Variants in FRMPD4 observed in about 807,000 individuals in gnomAD.
FRMPD4 encodes FERM and PDZ domain containing 4.
In FRMPD4, 22 loss-of-function variants were observed where a neutral mutation model predicts 94.1. That is an observed-to-expected ratio of 0.23 (90% CI 0.17 to 0.33). FRMPD4 has a LOEUF of 0.33. FRMPD4 is among the 10% of genes least tolerant of loss of function. The probability of loss-of-function intolerance (pLI) is 1.00; values close to 1 mark genes in which losing one functional copy is unlikely to be tolerated. For synonymous variants in FRMPD4, 631 were observed against 548.6 expected (o/e 1.15, Z -2.10); for missense variants, 1,111 against 1,339.9 (o/e 0.83, Z 2.67).
chrX:11,833,632 A>C (rs932549139), intron 1 of FRMPD4, among the ~76,000 whole-genome samples: 9 of 111,830 alleles, frequency 8.0e-5, no homozygotes, highest in Non-Finnish European at 1.7e-4. Flanking sequence ...GAGTAAGCTG[A>C]AATAAAGAAT....
At chrX:12,072,151 TG>T (rs771559119) in intron 3 of FRMPD4, among the ~76,000 whole-genome samples, 2 of 111,277 alleles carry the variant, frequency 1.8e-5, no homozygotes, top group East Asian at 5.7e-4. Flanking sequence ...CCACCACACC[TG>T]GCCCTTCATT....
At chrX:12,372,589 G>A (rs1294599632) in intron 1 of FRMPD4, among the ~76,000 whole-genome samples, 1 of 112,295 alleles carries the variant, frequency 8.9e-6, no homozygotes, top group African/African-American at 3.2e-5. Flanking sequence ...GTATTTCCTC[G>A]TCTTCCAAAA....
chrX:12,109,794 C>G (rs1379526465), intron 3 of FRMPD4, among the ~76,000 whole-genome samples: 1 of 112,187 alleles, frequency 8.9e-6, no homozygotes, highest in Non-Finnish European at 1.9e-5. Flanking sequence ...ATAAACACCT[C>G]TATGCAAATA....
intron 2 of FRMPD4, among the ~76,000 whole-genome samples, chrX:12,593,847 T>C (rs1475459143): frequency 5.4e-5 from 6 of 111,825 alleles, no homozygotes; most frequent in Non-Finnish European, 7.5e-5. Context: ...CTGAGACACA[T>C]AATATATGCA....
At chrX:12,074,896 T>C (rs1317601300) in intron 3 of FRMPD4, among the ~76,000 whole-genome samples, 1 of 112,355 alleles carries the variant, frequency 8.9e-6, no homozygotes, top group Non-Finnish European at 1.9e-5. Flanking sequence ...AAAAGACAAG[T>C]ACAGTATTTG....
At chrX:12,341,566 C>A in intron 1 of FRMPD4, 1 of 320,715 alleles carries the variant, frequency 3.1e-6, no homozygotes, top group Non-Finnish European at 6.1e-6. Context: ...ATGAGACAGG[C>A]ATTAGTGTCC....
At chrX:12,585,500 TG>T (rs2058919124) in intron 2 of FRMPD4, among the ~76,000 whole-genome samples, 1 of 112,357 alleles carries the variant, frequency 8.9e-6, no homozygotes, top group Non-Finnish European at 1.9e-5. Context: ...ATTACAGGTA[TG>T]AGCCACTGTG....
intron 1 of FRMPD4, among the ~76,000 whole-genome samples, chrX:12,386,868 T>C (rs1461150371): frequency 9.0e-6 from 1 of 111,537 alleles, no homozygotes. Flanking sequence ...GGGTGGGGGC[T>C]AGGCAGAGAG....
intron 13 of FRMPD4, among the ~76,000 whole-genome samples, chrX:12,708,237 C>T (rs1165953847): frequency 1.8e-5 from 2 of 110,384 alleles, no homozygotes; most frequent in Admixed American, 9.6e-5. Flanking sequence ...TTTGGGAGGC[C>T]GAGGCGGGCG....
chrX:12,274,517 G>C (rs1456127156), intron 1 of FRMPD4, among the ~76,000 whole-genome samples: 2 of 112,600 alleles, frequency 1.8e-5, no homozygotes, highest in African/African-American at 6.5e-5. Context: ...TCGGTAAGCA[G>C]CTAAATAATC....
intron 3 of FRMPD4, among the ~76,000 whole-genome samples, chrX:12,084,174 C>T (rs370294319): frequency 6.0e-3 from 242 of 40,156 alleles, no homozygotes; most frequent in Middle Eastern, 0.026. Flanking sequence ...GGGAGGGACC[C>T]AGTGGGGGGG....
At chrX:11,844,891 A>G (rs925745299) in intron 1 of FRMPD4, among the ~76,000 whole-genome samples, 1 of 111,739 alleles carries the variant, frequency 8.9e-6, no homozygotes, top group African/African-American at 3.3e-5. Context: ...ATTATTCTTC[A>G]ATCTTTTTTA....
chrX:12,340,663 TA>T (rs67239524), intron 1 of FRMPD4, among the ~76,000 whole-genome samples: 19,955 of 111,130 alleles, frequency 0.18, 4,477 homozygotes, highest in African/African-American at 0.62. Context: ...ATTTTAAAGA[TA>T]AAAAAAATTT....
At chrX:11,999,670 G>T in intron 3 of FRMPD4, among the ~76,000 whole-genome samples, 1 of 112,262 alleles carries the variant, frequency 8.9e-6, no homozygotes, top group Non-Finnish European at 1.9e-5. Flanking sequence ...AATCATACTT[G>T]TGACAATCAC....
intron 3 of FRMPD4, among the ~76,000 whole-genome samples, chrX:11,922,066 T>C (rs1308428769): frequency 1.8e-5 from 2 of 111,991 alleles, no homozygotes; most frequent in African/African-American, 6.5e-5. Context: ...TTGATGAGAA[T>C]TAATGATGTG....
At position 12,723,739 on chromosome X, in the gene FRMPD4, A is replaced by G. The variant is rs2042282322; in HGVS notation, c.*1881A>G. The stretch of plus-strand genomic sequence containing the variant: ...TCATCACAACAATCTGCTGGTTTGG[A>G]CACTATTCTCTCTGGAGGCAATATG... On this transcript the variant is annotated 3_prime_UTR_variant, in exon 17 of 17. Coordinates refer to ENST00000675598, the MANE Select transcript of FRMPD4 (RefSeq NM_001368397.1). 1 of 111,056 alleles carries G rather than the reference A, an allele frequency of 9.0e-6. No homozygotes were observed. The highest frequency in any genetic ancestry group is 1.9e-5 in the Non-Finnish European group (1 of 53,036). The allele number at this position is 111,056 out of a possible 1,213,427, so 9.2% of individuals were successfully genotyped here.
chrX:12,015,990 T>G (rs1274294911), intron 3 of FRMPD4, among the ~76,000 whole-genome samples: 1 of 112,742 alleles, frequency 8.9e-6, no homozygotes, highest in Non-Finnish European at 1.9e-5. Flanking sequence ...CATTGCCATT[T>G]TCTTTTCAGA....
At chrX:12,136,086 G>A (rs1205781219), upstream of FRMPD4, among the ~76,000 whole-genome samples, 1 of 111,643 alleles carries the variant, frequency 9.0e-6, no homozygotes, top group African/African-American at 3.3e-5. Flanking sequence ...GATGGGTGGG[G>A]AAAGAGACAG....
At chrX:12,320,494 G>A (rs1040605891) in intron 1 of FRMPD4, among the ~76,000 whole-genome samples, 3 of 111,719 alleles carry the variant, frequency 2.7e-5, no homozygotes, top group African/African-American at 6.5e-5. Context: ...TGACCGAATC[G>A]CTGCTCCTTG....
Sources: gnomAD v4.1 joint callset for allele counts (sites outside exome capture counted in the v4.1 genomes callset) on GRCh38, gnomAD v4.1.1 for gene constraint, MANE v1.5 for transcripts, NCBI Gene and HGNC (gene_info 2026-07-23, HGNC 2026-07-21) for gene names.